The following DPH6 variants were observed in gnomAD, a reference collection of about 807,000 sequenced individuals.
DPH6 encodes diphthamine biosynthesis 6.
DPH6 carries 33 observed loss-of-function variants against 38.2 expected under a neutral mutation model. The observed-to-expected ratio is 0.86, with a 90% CI of 0.65 to 1.15. DPH6 has a LOEUF of 1.15. DPH6 is among the 50% of genes most tolerant of loss of function. DPH6 has a pLI of 0.00. For missense variants in DPH6, 325 were observed against 320.0 expected, an observed-to-expected ratio of 1.02 and a Z score of -0.12; for synonymous variants, 108 against 103.0, an observed-to-expected ratio of 1.05 and a Z score of -0.30.
intron 6 of DPH6, among the ~76,000 whole-genome samples, chr15:35,397,538 A>G (rs2053151263): frequency 6.6e-6 from 1 of 152,122 alleles, no homozygotes; most frequent in South Asian, 2.1e-4. Context: ...GCATTAACCA[A>G]TTTATCAGGA....
intron 3 of DPH6, among the ~76,000 whole-genome samples, chr15:35,247,844 A>G (rs1227402327): frequency 6.6e-6 from 1 of 152,204 alleles, no homozygotes; most frequent in Non-Finnish European, 1.5e-5. Flanking sequence ...AAATCAGGTA[A>G]AAGGTCAAAG....
At chr15:35,180,810 T>G in the DPH6 span, among the ~76,000 whole-genome samples, 1 of 152,214 alleles carries the variant, frequency 6.6e-6, no homozygotes, top group Non-Finnish European at 1.5e-5. Flanking sequence ...TTGAAAAAAA[T>G]GTGATATCTT....
At chr15:35,216,727 T>C (rs1434913862), downstream of DPH6, among the ~76,000 whole-genome samples, 1 of 152,198 alleles carries the variant, frequency 6.6e-6, no homozygotes, top group Non-Finnish European at 1.5e-5. Context: ...ATAAATAGTC[T>C]AGTGGGAAGA....
chr15:35,152,700 T>C, the DPH6 span, among the ~76,000 whole-genome samples: 2 of 152,214 alleles, frequency 1.3e-5, no homozygotes, highest in African/African-American at 4.8e-5. Context: ...GGTTTCACCA[T>C]GTTGCCCAGG....
chr15:35,199,740 C>T, the DPH6 span, among the ~76,000 whole-genome samples: 1 of 151,012 alleles, frequency 6.6e-6, no homozygotes, highest in Non-Finnish European at 1.5e-5. Context: ...TTGACTACAA[C>T]ACAAGACAAA....
At chr15:35,496,567 A>AAAAAAATATATATATATATATATATAT in intron 3 of DPH6, among the ~76,000 whole-genome samples, 4 of 31,012 alleles carry the variant, frequency 1.3e-4, no homozygotes, top group African/African-American at 4.1e-4. Flanking sequence ...AAAAAAAAAA[A>AAAAAAATATATATATATATATATATAT]ATATATATAT....
intron 3 of DPH6, among the ~76,000 whole-genome samples, chr15:35,352,308 T>C (rs1174788537): frequency 1.3e-5 from 2 of 152,038 alleles, no homozygotes; most frequent in Non-Finnish European, 2.9e-5. Flanking sequence ...ACTTTAAGTT[T>C]TAGGGTACAT....
intron 3 of DPH6, among the ~76,000 whole-genome samples, chr15:35,281,169 A>G (rs112778673): frequency 9.7e-4 from 148 of 151,904 alleles, no homozygotes; most frequent in African/African-American, 3.5e-3. Context: ...CTACCACTTC[A>G]CACACAATTC....
the DPH6 span, among the ~76,000 whole-genome samples, chr15:35,189,059 T>C: frequency 2.0e-5 from 3 of 152,224 alleles, no homozygotes; most frequent in Non-Finnish European, 4.4e-5. Context: ...TGAACGGTGA[T>C]GCTCTTTCTT....
chr15:35,459,050 CTGTT>C (rs1386719432), intron 3 of DPH6, among the ~76,000 whole-genome samples: 5 of 152,134 alleles, frequency 3.3e-5, no homozygotes, highest in African/African-American at 9.7e-5. Flanking sequence ...AGAAAATACT[CTGTT>C]TATTTAGTTT....
the DPH6 span, among the ~76,000 whole-genome samples, chr15:35,145,850 A>G: frequency 6.6e-6 from 1 of 152,286 alleles, no homozygotes; most frequent in Non-Finnish European, 1.5e-5. Context: ...ATCTATCTAC[A>G]TTGTTTTGAG....
chr15:35,365,108 A>G (rs1476192091), intron 3 of DPH6, among the ~76,000 whole-genome samples: 1 of 152,024 alleles, frequency 6.6e-6, no homozygotes, highest in East Asian at 1.9e-4. Context: ...CACAACTAAC[A>G]TCTGCCAATG....
At chr15:35,199,425 G>C in the DPH6 span, among the ~76,000 whole-genome samples, 1 of 152,026 alleles carries the variant, frequency 6.6e-6, no homozygotes. Context: ...CATAATACTA[G>C]GAAATTAAGA....
chr15:35,466,468 T>A (rs1170317218), intron 3 of DPH6, among the ~76,000 whole-genome samples: 1 of 152,134 alleles, frequency 6.6e-6, no homozygotes, highest in Non-Finnish European at 1.5e-5. Context: ...TTTGATTAGT[T>A]TGAGATAACT....
intron 1 of DPH6, among the ~76,000 whole-genome samples, chr15:35,543,008 T>C (rs540341613): frequency 3.4e-4 from 41 of 121,910 alleles, no homozygotes; most frequent in African/African-American, 1.3e-3. Flanking sequence ...AAAACTATTC[T>C]CTATGAGAAA....
At chr15:35,239,251 A>G (rs1232336004) in intron 3 of DPH6, among the ~76,000 whole-genome samples, 1 of 141,930 alleles carries the variant, frequency 7.0e-6, no homozygotes, top group African/African-American at 2.5e-5. Flanking sequence ...TTCCCTCACT[A>G]TCCCTCAACC....
the DPH6 span, among the ~76,000 whole-genome samples, chr15:35,183,487 A>C: frequency 6.6e-6 from 1 of 152,256 alleles, no homozygotes; most frequent in Non-Finnish European, 1.5e-5. Flanking sequence ...CTAAGCTCCA[A>C]GTGCCAGCTA....
the DPH6 span, among the ~76,000 whole-genome samples, chr15:35,173,934 T>C: frequency 6.6e-6 from 1 of 152,308 alleles, no homozygotes; most frequent in South Asian, 2.1e-4. Context: ...ATTCAACAAA[T>C]ATATCATGTG....
chr15:35,188,688 G>C, the DPH6 span, among the ~76,000 whole-genome samples: 2 of 152,054 alleles, frequency 1.3e-5, no homozygotes, highest in African/African-American at 4.8e-5. Flanking sequence ...GACCTGTATG[G>C]ATCCACCACT....
Sources: gnomAD v4.1 joint callset for allele counts (sites outside exome capture counted in the v4.1 genomes callset) on GRCh38, gnomAD v4.1.1 for gene constraint, MANE v1.5 for transcripts, NCBI Gene and HGNC (gene_info 2026-07-23, HGNC 2026-07-21) for gene names.